The following SEMA4D variants were observed in gnomAD, a reference collection of about 807,000 sequenced individuals.
SEMA4D encodes semaphorin 4D.
In SEMA4D, 22 loss-of-function variants were observed where a neutral mutation model predicts 74.8. The observed-to-expected ratio is 0.29, with a 90% confidence interval of 0.21 to 0.42. The LOEUF (loss-of-function observed/expected upper bound fraction) is 0.42. Among genes scored for constraint, SEMA4D ranks in the 10% least tolerant of loss-of-function variants. The pLI is 1.00. For synonymous variants in SEMA4D, 445 were observed against 463.7 expected, an observed-to-expected ratio of 0.96 and a Z score of 0.52; for missense variants, 937 against 1,118.4, an observed-to-expected ratio of 0.84 and a Z score of 2.31.
intron 2 of SEMA4D, among the ~76,000 whole-genome samples, chr9:89,426,204 T>G (rs920631155): frequency 6.6e-6 from 1 of 152,228 alleles, no homozygotes; most frequent in Admixed American, 6.5e-5. Context: ...CTGCTCGTTC[T>G]GCCACGGTGC....
intron 16 of SEMA4D, among the ~76,000 whole-genome samples, chr9:89,371,799 G>A (rs1834929617): frequency 1.6e-5 from 1 of 63,752 alleles, no homozygotes; most frequent in African/African-American, 7.0e-5. Context: ...TGTTTGGGGT[G>A]TGTGTGTGGG....
chr9:89,412,794 G>C (rs1479123048), intron 2 of SEMA4D, among the ~76,000 whole-genome samples: 1 of 152,184 alleles, frequency 6.6e-6, no homozygotes, highest in Non-Finnish European at 1.5e-5. Context: ...CCCAGGGAGG[G>C]GGAGGGGGCT....
intron 2 of SEMA4D, among the ~76,000 whole-genome samples, chr9:89,451,423 C>G (rs186193940): frequency 6.6e-6 from 1 of 152,300 alleles, no homozygotes; most frequent in East Asian, 1.9e-4. Context: ...TAATCCATCT[C>G]AACCTTACCC....
chr9:89,460,686 C>T (rs1037690082), intron 1 of SEMA4D, among the ~76,000 whole-genome samples: 5 of 152,216 alleles, frequency 3.3e-5, no homozygotes, highest in African/African-American at 1.2e-4. Flanking sequence ...ACAGCTGGTC[C>T]TGGAGGCCGC....
intron 8 of SEMA4D, 129 bp downstream of exon 8, chr9:89,392,293 AT>A (rs1429137677): frequency 4.9e-6 from 3 of 608,460 alleles, no homozygotes; most frequent in Admixed American, 3.0e-5. Flanking sequence ...TTTGGGAAGT[AT>A]CCCCCACAAA....
At chr9:89,362,309 T>C in exon 19 of SEMA4D, 2 of 1,608,676 alleles carry the variant, frequency 1.2e-6, no homozygotes, top group Non-Finnish European at 1.7e-6. Flanking sequence ...TTCACAGTTG[T>C]GGGGGACCAG....
chr9:89,371,467 G>C (rs1319047889), intron 16 of SEMA4D, among the ~76,000 whole-genome samples: 2 of 100,202 alleles, frequency 2.0e-5, no homozygotes, highest in African/African-American at 4.0e-5. Flanking sequence ...GGGTGTGTGT[G>C]TGGGGTGTGA....
chr9:89,416,008 C>A (rs1845630742), intron 2 of SEMA4D, among the ~76,000 whole-genome samples: 1 of 152,180 alleles, frequency 6.6e-6, no homozygotes, highest in South Asian at 2.1e-4. Flanking sequence ...TATTTGTATT[C>A]TTAATTTTCC....
intron 13 of SEMA4D, among the ~76,000 whole-genome samples, chr9:89,383,586 G>A (rs1170199047): frequency 1.3e-5 from 2 of 152,088 alleles, no homozygotes; most frequent in African/African-American, 2.4e-5. Context: ...TGTGGTGGGC[G>A]GGAGGTAGGA....
chr9:89,397,878 C>A (rs1422332565), intron 5 of SEMA4D, among the ~76,000 whole-genome samples: 1 of 152,172 alleles, frequency 6.6e-6, no homozygotes, highest in Non-Finnish European at 1.5e-5. Context: ...GACATGATGG[C>A]TCAGAGGGTG....
chr9:89,428,425 G>C (rs1412898220), intron 2 of SEMA4D, among the ~76,000 whole-genome samples: 7 of 152,262 alleles, frequency 4.6e-5, no homozygotes, highest in Non-Finnish European at 1.0e-4. Context: ...CCAGCCACCA[G>C]AGAGGGTGCC....
chr9:89,455,331 T>G (rs1855674547), intron 2 of SEMA4D, among the ~76,000 whole-genome samples: 1 of 152,142 alleles, frequency 6.6e-6, no homozygotes, highest in African/African-American at 2.4e-5. Flanking sequence ...CCGGTCCACC[T>G]CACCCCAGCC....
chr9:89,385,873 C>T, intron 13 of SEMA4D: 15 of 162,300 alleles, frequency 9.2e-5, no homozygotes, highest in South Asian at 2.4e-4. Flanking sequence ...GATGCCCGCC[C>T]ACCCACCCCT....
At chr9:89,497,677 G>C (rs1409474225) in intron 1 of SEMA4D, among the ~76,000 whole-genome samples, 4 of 151,574 alleles carry the variant, frequency 2.6e-5, no homozygotes, top group Non-Finnish European at 5.9e-5. Context: ...CCAGGGGGTC[G>C]GAGGGGTCCG....
intron 5 of SEMA4D, among the ~76,000 whole-genome samples, chr9:89,397,804 T>C (rs1841325699): frequency 6.6e-6 from 1 of 152,208 alleles, no homozygotes; most frequent in South Asian, 2.1e-4. Flanking sequence ...TTTTCTTTCT[T>C]CTTTTGCCTT....
rs1204732647 is a variant in SEMA4D, at chr9:89,405,623, C to T, written c.-167G>A. On this transcript the variant is annotated 5_prime_UTR_variant, in exon 3 of 16. Coordinates refer to ENST00000422704, the MANE Select transcript of SEMA4D (RefSeq NM_001371194.2). ...CTGAGAATCCACATTTCCCAGTTCT[C>T]CAGGTGAGGAGGGGTCGCTCTCACC... 1 of 1,437,784 alleles carries T rather than the reference C, an allele frequency of 7.0e-7. No homozygotes were observed. The highest frequency in any genetic ancestry group is 2.5e-5 in the East Asian group (1 of 39,910). 89.1% of individuals were successfully genotyped at this position (1,437,784 alleles called of 1,614,324 possible). A position where few individuals can be genotyped will look rare whatever the true frequency, so the allele number is the denominator to read the frequency against.
At chr9:89,417,745 G>T (rs536043852) in intron 2 of SEMA4D, among the ~76,000 whole-genome samples, 3 of 152,324 alleles carry the variant, frequency 2.0e-5, no homozygotes, top group African/African-American at 7.2e-5. Flanking sequence ...GGCACCAGGG[G>T]CCATCAGCCG....
rs1284763023 is a variant in SEMA4D at position 89,377,242 on chromosome 9, T to C, written c.*1462A>G. On this transcript the variant is annotated 3_prime_UTR_variant, in exon 16 of 16. Transcript: ENST00000422704. ...AGGAATGTCTTCCCCAAATCAAGGA[T>C]AGAAGCTTCTCATTTATTTGGGTAC... The C allele has an allele frequency of 9.2e-6, 7 of 756,930 alleles. No homozygotes were observed. The highest frequency in any genetic ancestry group is 3.7e-5 in the Admixed American group (1 of 27,010). The allele number at this position is 756,930 out of a possible 1,614,324, so 46.9% of individuals were successfully genotyped here.
chr9:89,477,912 G>T (rs952368932), intron 1 of SEMA4D, among the ~76,000 whole-genome samples: 1 of 152,084 alleles, frequency 6.6e-6, no homozygotes, highest in Non-Finnish European at 1.5e-5. Flanking sequence ...AGAAAAACTC[G>T]CATAAAAAAG....
Sources: gnomAD v4.1 joint callset for allele counts (sites outside exome capture counted in the v4.1 genomes callset) on GRCh38, gnomAD v4.1.1 for gene constraint, MANE v1.5 for transcripts, NCBI Gene and HGNC (gene_info 2026-07-23, HGNC 2026-07-21) for gene names.